Variants in PBRM1 observed in about 807,000 individuals in gnomAD.
The protein encoded by PBRM1 is protein polybromo-1.
A neutral mutation model predicts 194.5 loss-of-function variants in PBRM1; 27 were observed. The observed-to-expected ratio is 0.14, with a 90% CI of 0.10 to 0.19. The LOEUF (loss-of-function observed/expected upper bound fraction) is 0.19, where lower values mean the gene tolerates loss of function less well. Ranked by LOEUF, PBRM1 falls within the 10% of genes least tolerant of loss-of-function variation. The probability of loss-of-function intolerance (pLI) is 1.00; values close to 1 mark genes in which losing one functional copy is unlikely to be tolerated. For missense variants in PBRM1, 1,466 were observed against 2,077.2 expected (o/e 0.71, Z 5.72); for synonymous variants, 655 against 693.2 (o/e 0.94, Z 0.87).
downstream of PBRM1, chr3:52,545,488 A>C (rs1040421543): frequency 3.0e-5 from 7 of 232,920 alleles, no homozygotes; most frequent in South Asian, 1.8e-4. Context: ...TACAGAAATT[A>C]GAATAAACCA....
intron 17 of PBRM1, among the ~76,000 whole-genome samples, chr3:52,598,704 C>G (rs2153232302): frequency 6.6e-6 from 1 of 152,154 alleles, no homozygotes; most frequent in South Asian, 2.1e-4. Flanking sequence ...GGCAACACAG[C>G]AAGATCTCAT....
chr3:52,648,856 A>G (rs1288880970), intron 6 of PBRM1, among the ~76,000 whole-genome samples: 1 of 152,230 alleles, frequency 6.6e-6, no homozygotes, highest in African/African-American at 2.4e-5. Flanking sequence ...GTAAAATATG[A>G]AATCAGTCCA....
chr3:52,627,673 C>T (rs2095488710), intron 12 of PBRM1, among the ~76,000 whole-genome samples: 1 of 152,192 alleles, frequency 6.6e-6, no homozygotes, highest in African/African-American at 2.4e-5. Flanking sequence ...GCATCCTGCT[C>T]TGGTTGTCCT....
At chr3:52,659,797 A>G (rs1374024506) in intron 4 of PBRM1, among the ~76,000 whole-genome samples, 2 of 152,180 alleles carry the variant, frequency 1.3e-5, no homozygotes, top group Non-Finnish European at 2.9e-5. Context: ...ATTGAGTTAT[A>G]AAGAGTCTTG....
chr3:52,631,490 T>C (rs1276811392), intron 11 of PBRM1, among the ~76,000 whole-genome samples: 6 of 152,196 alleles, frequency 3.9e-5, no homozygotes, highest in African/African-American at 1.4e-4. Flanking sequence ...CTTGACTCTA[T>C]CTGGGTATTC....
At chr3:52,662,060 G>A (rs1014937892) in intron 4 of PBRM1, 73 bp downstream of exon 5, 23 of 1,488,590 alleles carry the variant, frequency 1.5e-5, no homozygotes, top group African/African-American at 1.4e-4. Flanking sequence ...CAACAGCCCA[G>A]AGGGAATCAC....
chr3:52,614,942 G>A (rs1473828305), intron 15 of PBRM1, among the ~76,000 whole-genome samples: 1 of 152,056 alleles, frequency 6.6e-6, no homozygotes, highest in African/African-American at 2.4e-5. Flanking sequence ...TAGTACAGTG[G>A]CTGGACATCT....
intron 22 of PBRM1, among the ~76,000 whole-genome samples, chr3:52,575,421 T>C (rs957665876): frequency 5.3e-5 from 8 of 151,464 alleles, no homozygotes; most frequent in African/African-American, 1.2e-4. Context: ...GCACAGCCCA[T>C]TCATAAGAAA....
chr3:52,633,534 G>T (rs775386515), intron 11 of PBRM1, among the ~76,000 whole-genome samples: 1 of 152,038 alleles, frequency 6.6e-6, no homozygotes, highest in South Asian at 2.1e-4. Context: ...TATGCAAAAT[G>T]GAATTTCTTA....
chr3:52,546,927 T>C (rs922203223), downstream of PBRM1: 15 of 232,970 alleles, frequency 6.4e-5, no homozygotes, highest in Non-Finnish European at 1.1e-4. Flanking sequence ...TATAACAACA[T>C]TGAAACTTAA....
At chr3:52,567,339 T>G (rs558580397) in intron 22 of PBRM1, among the ~76,000 whole-genome samples, 8 of 152,088 alleles carry the variant, frequency 5.3e-5, no homozygotes, top group African/African-American at 1.9e-4. Flanking sequence ...CATATCAATT[T>G]GCACGTAGGT....
intron 13 of PBRM1, among the ~76,000 whole-genome samples, chr3:52,621,025 G>A (rs528808523): frequency 1.3e-5 from 2 of 152,306 alleles, no homozygotes; most frequent in South Asian, 2.1e-4. Context: ...AATAATAACT[G>A]TATTAGGTTG....
intron 7 of PBRM1, among the ~76,000 whole-genome samples, chr3:52,646,098 G>A (rs920152138): frequency 7.9e-5 from 12 of 152,148 alleles, no homozygotes; most frequent in African/African-American, 2.9e-4. Flanking sequence ...ATTCTTAACT[G>A]TAACAACAAA....
chr3:52,663,378 T>C lies in PBRM1; in HGVS notation c.385-1102A>G, dbSNP rs181471985. 4.0e-3 allele frequency among the ~76,000 whole-genome samples: 613 copies of C among 152,298 alleles called. 3 individuals carry two copies. Among genetic ancestry groups the C allele is most frequent in the South Asian group, 0.023 (109 of 4,828 alleles). On this transcript the variant is annotated intron_variant, in intron 3 of 29. Coordinates refer to ENST00000296302, the Ensembl canonical transcript of PBRM1. Reference sequence around the variant, plus strand: ...GCCAGGGAGCAAGGACGACTGCCCATCTCAACCTCTACCTATCTAAATTCA... The same window carrying C: ...GCCAGGGAGCAAGGACGACTGCCCACCTCAACCTCTACCTATCTAAATTCA...
intron 5 of PBRM1, among the ~76,000 whole-genome samples, chr3:52,654,815 T>A (rs2096576470): frequency 6.6e-6 from 1 of 151,734 alleles, no homozygotes; most frequent in Non-Finnish European, 1.5e-5. Context: ...AGAGACGGGG[T>A]CTCTTTCTGT....
chr3:52,604,992 A>C (rs1032805663), intron 16 of PBRM1, among the ~76,000 whole-genome samples: 1 of 152,020 alleles, frequency 6.6e-6, no homozygotes, highest in African/African-American at 2.4e-5. Context: ...TAAATAAATA[A>C]AATGTGGGGA....
At chr3:52,651,180 A>G (rs1170218714) in intron 6 of PBRM1, among the ~76,000 whole-genome samples, 1 of 152,226 alleles carries the variant, frequency 6.6e-6, no homozygotes, top group Non-Finnish European at 1.5e-5. Context: ...TGCTAGGTAC[A>G]TAGCAAGTCT....
At chr3:52,653,683 G>A (rs571037650) in intron 5 of PBRM1, among the ~76,000 whole-genome samples, 2 of 152,100 alleles carry the variant, frequency 1.3e-5, no homozygotes, top group South Asian at 2.1e-4. Context: ...AGGCCGAGAC[G>A]GGCAGATCAC....
intron 13 of PBRM1, among the ~76,000 whole-genome samples, chr3:52,621,888 T>TA (rs2095290542): frequency 6.6e-6 from 1 of 151,804 alleles, no homozygotes; most frequent in Non-Finnish European, 1.5e-5. Flanking sequence ...ACCACCTCTT[T>TA]AAAAAAGCGT....
Sources: gnomAD v4.1 joint callset for allele counts (sites outside exome capture counted in the v4.1 genomes callset) on GRCh38, gnomAD v4.1.1 for gene constraint, MANE v1.5 for transcripts, NCBI Gene and HGNC (gene_info 2026-07-23, HGNC 2026-07-21) for gene names.